TMEM87A: variants seen among roughly 807,000 people sequenced by gnomAD.
The protein encoded by TMEM87A is Golgi-pH regulating cation channel.
Under a neutral mutation model 90.0 loss-of-function variants are expected in TMEM87A, and 50 were observed. The ratio of observed to expected loss-of-function variants is 0.56; its 90% CI spans 0.44 to 0.70. TMEM87A has a LOEUF of 0.70. Among genes scored for constraint, TMEM87A ranks in the 30% least tolerant of loss-of-function variants. The pLI is 0.00. For missense variants in TMEM87A, 577 were observed against 660.5 expected, an observed-to-expected ratio of 0.87 and a Z score of 1.39; for synonymous variants, 226 against 226.7, an observed-to-expected ratio of 1.00 and a Z score of 0.03.
rs1334702254 is a variant in TMEM87A at position 42,211,146 on chromosome 15, T to TG, written c.*561_*562insC. The stretch of plus-strand genomic sequence containing the variant: ...ATACTGTAACAGTTTCTCTTTTTTT[T>TG]TTTTTCTTTTGATCATTGATAGAAC... On this transcript the variant is annotated 3_prime_UTR_variant, in exon 20 of 20. Coordinates refer to ENST00000389834, the MANE Select transcript of TMEM87A (RefSeq NM_015497.5). The TG allele has an allele frequency of 6.6e-6, 1 of 152,132 alleles. No homozygotes were observed. Among genetic ancestry groups the TG allele is most frequent in the Non-Finnish European group, 1.5e-5 (1 of 67,936 alleles). The allele number at this position is 152,132 out of a possible 1,614,324, so 9.4% of individuals were successfully genotyped here.
intron 5 of TMEM87A, 68 bp downstream of exon 5, chr15:42,261,128 G>A (rs2051281686): frequency 2.6e-6 from 4 of 1,556,588 alleles, no homozygotes; most frequent in African/African-American, 1.4e-5. Flanking sequence ...GATGCAGTGA[G>A]CACGGGTATC....
At position 42,258,191 on chromosome 15, in the gene TMEM87A, C is replaced by G. The variant is rs955464584; in HGVS notation, c.504+2767G>C. 4 of 971,260 alleles carry G rather than the reference C, an allele frequency of 4.1e-6. No homozygotes were observed. The African/African-American group carries it at 7.0e-5, about 17-fold the overall frequency. The allele number at this position is 971,260 out of a possible 1,614,324, so 60.2% of individuals were successfully genotyped here. On this transcript the variant is annotated intron_variant, in intron 6 of 19. Transcript: ENST00000389834. ...AAGTAACGATGCAATACAATATTTA[C>G]CAAACTGACGACATGTCCATGTTAT... is the stretch of plus-strand genomic sequence containing the variant.
rs1049193665 is a variant in TMEM87A at position 42,225,870 on chromosome 15, T to G, written c.1403+936A>C. Among the ~76,000 whole-genome samples, 3 of 152,114 alleles carry G rather than the reference T, an allele frequency of 2.0e-5. No individual in the cohort carries two copies. In the South Asian group the frequency reaches 6.2e-4, roughly 31 times the overall value. The stretch of plus-strand genomic sequence containing the variant: ...AGATTATATATCTATCTCCCTTGTT[T>G]ACTATACAAATACTTACAGTTATAC... On this transcript the variant is annotated intron_variant, in intron 15 of 19. Transcript: ENST00000389834.
intron 8 of TMEM87A, among the ~76,000 whole-genome samples, chr15:42,238,003 ATATGTGTGTGTGTGTG>A (rs1322023920): frequency 2.7e-5 from 4 of 150,726 alleles, no homozygotes; most frequent in South Asian, 2.1e-4. Flanking sequence ...GTATATATAT[ATATGTGTGTGTGTGTG>A]TGTGTGTGTG....
intron 13 of TMEM87A, among the ~76,000 whole-genome samples, chr15:42,228,446 A>G (rs1349102989): frequency 6.6e-6 from 1 of 152,226 alleles, no homozygotes; most frequent in Non-Finnish European, 1.5e-5. Flanking sequence ...ACCTCAAGAA[A>G]AAGAATGCCT....
upstream of TMEM87A, chr15:42,273,460 T>G (rs1021981253): frequency 6.2e-7 from 1 of 1,604,256 alleles, no homozygotes; most frequent in Non-Finnish European, 8.5e-7. Context: ...TCCCGCCTTC[T>G]TCCGGCTCTG....
intron 7 of TMEM87A, among the ~76,000 whole-genome samples, chr15:42,240,444 G>A (rs1049467558): frequency 6.6e-6 from 1 of 152,062 alleles, no homozygotes; most frequent in Non-Finnish European, 1.5e-5. Context: ...AATAAACATA[G>A]AATTGAACTT....
intron 6 of TMEM87A, chr15:42,258,084 T>C (rs1481953237): frequency 4.1e-6 from 4 of 977,576 alleles, no homozygotes; most frequent in Admixed American, 1.2e-4. Context: ...AATTCCAAGA[T>C]AATGAAACTC....
intron 9 of TMEM87A, 125 bp from the exon 10 acceptor site, chr15:42,236,544 A>G (rs2050774705): frequency 1.3e-6 from 1 of 746,644 alleles, no homozygotes; most frequent in East Asian, 2.7e-5. Flanking sequence ...GCTAAAATAG[A>G]ATACCTCTTC....
At chr15:42,238,084 A>G (rs1484291380) in intron 8 of TMEM87A, among the ~76,000 whole-genome samples, 1 of 152,110 alleles carries the variant, frequency 6.6e-6, no homozygotes, top group Non-Finnish European at 1.5e-5. Flanking sequence ...TCTCTATTAT[A>G]CACACAGACA....
intron 7 of TMEM87A, among the ~76,000 whole-genome samples, chr15:42,241,986 G>A (rs2050878559): frequency 1.3e-5 from 2 of 149,318 alleles, no homozygotes; most frequent in Admixed American, 6.8e-5. Context: ...AGAATCACTT[G>A]AACCCAGGAG....
chr15:42,246,960 T>C lies in TMEM87A; in HGVS notation c.505-2793A>G, dbSNP rs145155732. On this transcript the variant is annotated intron_variant, in intron 6 of 19. Transcript: ENST00000389834. The stretch of plus-strand genomic sequence containing the variant: ...CCACATCCTCTCCAGCACCTGTTGT[T>C]TCCTGACTTTTTACTGATCACCATT... Among the ~76,000 whole-genome samples, 3 of 152,310 alleles carry C rather than the reference T, an allele frequency of 2.0e-5. No individual in the cohort carries two copies. In the East Asian group the frequency reaches 5.8e-4, roughly 29 times the overall value.
intron 7 of TMEM87A, among the ~76,000 whole-genome samples, chr15:42,241,574 T>A (rs8036917): frequency 0.95 from 144,801 of 152,262 alleles, 69,104 homozygotes; most frequent in Non-Finnish European, 1. Flanking sequence ...CAAAATGTAG[T>A]CATTTTATAG....
chr15:42,251,166 T>C (rs566574809), intron 6 of TMEM87A, among the ~76,000 whole-genome samples: 9 of 152,342 alleles, frequency 5.9e-5, no homozygotes, highest in Non-Finnish European at 8.8e-5. Context: ...GTTTTTAGCT[T>C]CCTTGTGATG....
chr15:42,250,869 G>A (rs1048991439), intron 6 of TMEM87A, among the ~76,000 whole-genome samples: 3 of 152,074 alleles, frequency 2.0e-5, no homozygotes, highest in Non-Finnish European at 4.4e-5. Context: ...TCACTTTCAG[G>A]TATACCAATC....
intron 19 of TMEM87A, among the ~76,000 whole-genome samples, chr15:42,217,357 T>G (rs1308167792): frequency 6.6e-6 from 1 of 152,224 alleles, no homozygotes; most frequent in Non-Finnish European, 1.5e-5. Flanking sequence ...ATTATAATCC[T>G]TACTATCTGA....
At chr15:42,234,642 T>C (rs547668104) in intron 10 of TMEM87A, among the ~76,000 whole-genome samples, 9 of 152,338 alleles carry the variant, frequency 5.9e-5, no homozygotes, top group African/African-American at 1.7e-4. Context: ...AGTGATGCTA[T>C]AGCATTACTT....
chr15:42,233,605 A>C (rs566352402), intron 10 of TMEM87A, among the ~76,000 whole-genome samples: 3 of 152,110 alleles, frequency 2.0e-5, no homozygotes, highest in Admixed American at 1.3e-4. Context: ...AAGGCCCAAC[A>C]ACCACTAACC....
intron 17 of TMEM87A, 61 bp downstream of exon 17, chr15:42,219,520 G>T (rs912215393): frequency 7.4e-7 from 1 of 1,342,466 alleles, no homozygotes; most frequent in Non-Finnish European, 1.0e-6. Context: ...TCTTCTAGTA[G>T]TTCTACTAAG....
Sources: allele counts gnomAD v4.1 joint callset (sites outside exome capture counted in the v4.1 genomes callset), GRCh38; gene constraint gnomAD v4.1.1; transcripts MANE v1.5; gene names NCBI Gene and HGNC (gene_info 2026-07-23, HGNC 2026-07-21).